Variants in PCDHGB1 observed in about 807,000 individuals in gnomAD.
The protein encoded by PCDHGB1 is protocadherin gamma subfamily B, 1.
PCDHGB1 carries 34 observed loss-of-function variants against 56.6 expected under a neutral mutation model. The observed-to-expected ratio is 0.60, with a 90% CI of 0.46 to 0.80. The LOEUF (loss-of-function observed/expected upper bound fraction) is 0.80. Among genes scored for constraint, PCDHGB1 ranks in the 30% least tolerant of loss-of-function variants. The pLI is 0.00. For missense variants in PCDHGB1, 1,278 were observed against 1,204.6 expected (o/e 1.06, Z -0.90); for synonymous variants, 561 against 505.9 (o/e 1.11, Z -1.46).
chr5:141,463,373 GTCTGAAAGTT>G (rs1463437299), intron 1 of PCDHGB1, among the ~76,000 whole-genome samples: 1 of 147,058 alleles, frequency 6.8e-6, no homozygotes, highest in Non-Finnish European at 1.5e-5. Context: ...CTGCCCCACA[GTCTGAAAGTT>G]GTCTCCAGGC....
In PCDHGB1 at chr5:141,427,233, G is replaced by A. The variant is rs147039909; in HGVS notation, c.2410-67574G>A. On this transcript the variant is annotated intron_variant, in intron 1 of 3. Transcript: ENST00000523390. Reference sequence around the variant, plus strand: ...ATTTCGTAGCAGTTATACCATGAGAGTAGAAGCTAAGGATGGTGGAGGCAT... The same window carrying A: ...ATTTCGTAGCAGTTATACCATGAGAATAGAAGCTAAGGATGGTGGAGGCAT... 180 of 456,756 alleles carry A rather than the reference G, an allele frequency of 3.9e-4. 1 individual carries two copies. The highest frequency in any genetic ancestry group is 3.5e-3 in the African/African-American group (176 of 50,196). The allele number at this position is 456,756 out of a possible 1,614,324, so 28.3% of individuals were successfully genotyped here.
chr5:141,389,777 C>G (rs771585855), intron 1 of PCDHGB1: 68 of 1,613,174 alleles, frequency 4.2e-5, no homozygotes, highest in Non-Finnish European at 5.7e-5. Context: ...GTGCCTTAGG[C>G]GACAGGGACG....
chr5:141,375,835 C>A (rs772317330), intron 1 of PCDHGB1: 22 of 1,613,984 alleles, frequency 1.4e-5, no homozygotes, highest in Admixed American at 1.7e-5. Flanking sequence ...CCGCAGAGCC[C>A]GGCTACCTGG....
chr5:141,388,424 G>T, intron 1 of PCDHGB1: 2 of 1,613,812 alleles, frequency 1.2e-6, no homozygotes, highest in Non-Finnish European at 1.7e-6. Flanking sequence ...ATTTCTCACT[G>T]ATAAATAAAG....
At chr5:141,465,522 G>A (rs1416012695) in intron 1 of PCDHGB1, among the ~76,000 whole-genome samples, 1 of 152,112 alleles carries the variant, frequency 6.6e-6, no homozygotes, top group Non-Finnish European at 1.5e-5. Context: ...AGGATTCTGG[G>A]GAAGTTTTCC....
rs1758499936 is a variant in PCDHGB1 at position 141,350,545 on chromosome 5, G to A, written c.285G>A (p.Arg95=). The A allele has an allele frequency of 6.2e-7, 1 of 1,613,914 alleles. No individual in the cohort carries two copies. Among genetic ancestry groups the A allele is most frequent in the Non-Finnish European group, 8.5e-7 (1 of 1,179,914 alleles). The change falls in exon 1 of 4, where the codon AGG becomes AGA. Residue 95 remains arginine, a synonymous_variant. Transcript: ENST00000523390. ...TAGATCGAGAGAAGATTTGCGGAAG[G>A]AAACTTGAGTGTGCACTAGAATTCG... The part of the protein sequence containing the change: ...GRIDREKICG[R]KLECALEFET...
At chr5:141,450,836 T>A (rs991599340) in intron 1 of PCDHGB1, among the ~76,000 whole-genome samples, 2 of 149,760 alleles carry the variant, frequency 1.3e-5, no homozygotes, top group African/African-American at 4.9e-5. Flanking sequence ...ATTATTTTTT[T>A]TTTTTTGAGA....
chr5:141,351,387 G>A lies in PCDHGB1; in HGVS notation c.1127G>A (p.Gly376Asp), dbSNP rs759839362. 1 of 1,611,984 alleles carries A rather than the reference G, an allele frequency of 6.2e-7. No individual in the cohort carries two copies. The highest frequency in any genetic ancestry group is 8.5e-7 in the Non-Finnish European group (1 of 1,178,874). ...KVRDKDSGQN[G>D]MVTCYTQEEV... ...CGAGACAAGGATTCTGGGCAAAATG[G>A]CATGGTGACATGCTATACTCAGGAA... Residue 376 changes from glycine to aspartate, a missense_variant, in exon 1 of 4, where the codon GGC (glycine) becomes GAC (aspartate). Coordinates refer to ENST00000523390, the MANE Select transcript of PCDHGB1 (RefSeq NM_018922.3).
In PCDHGB1 at chr5:141,351,516, T is replaced by C. The variant is rs749136987; in HGVS notation, c.1256T>C (p.Ile419Thr). Residue 419 changes from isoleucine to threonine, a missense_variant, in exon 1 of 4, where the codon ATA becomes ACA. Transcript: ENST00000523390. ...EQTADYNVTI[I>T]ATDKGKPALS... is the part of the protein sequence containing the mutation. ...ACAGCAGACTACAACGTCACAATCA[T>C]AGCCACCGACAAGGGCAAACCAGCC... 8.7e-6 allele frequency: 14 copies of C among 1,613,854 alleles called. No individual in the cohort carries two copies. In the Admixed American group the frequency reaches 2.3e-4, roughly 27 times the overall value.
intron 1 of PCDHGB1, chr5:141,403,328 A>G: frequency 1.8e-5 from 29 of 1,613,998 alleles, no homozygotes; most frequent in Non-Finnish European, 2.4e-5. Context: ...AGTAACTGAT[A>G]TTAACGACAG....
intron 1 of PCDHGB1, chr5:141,374,052 T>C (rs1770060748): frequency 1.4e-6 from 2 of 1,478,038 alleles, no homozygotes; most frequent in Non-Finnish European, 9.0e-7. Flanking sequence ...CTTCCTCTTC[T>C]TAATCCCAGA....
intron 1 of PCDHGB1, among the ~76,000 whole-genome samples, chr5:141,449,630 T>C (rs1006977026): frequency 6.7e-6 from 1 of 150,024 alleles, no homozygotes; most frequent in South Asian, 2.1e-4. Flanking sequence ...TTTAAAAAGA[T>C]GTATCTATAT....
rs1419222918 is a variant in PCDHGB1, at chr5:141,360,532, T to C, written c.2409+7863T>C. ...GGATATAAATGATAATACCCCGCTA[T>C]TCAAACAGACTAAGATTAATTTAAA... On this transcript the variant is annotated intron_variant, in intron 1 of 3. Coordinates refer to ENST00000523390, the MANE Select transcript of PCDHGB1 (RefSeq NM_018922.3). 3 of 1,613,892 alleles carry C rather than the reference T, an allele frequency of 1.9e-6. No individual in the cohort carries two copies. The Admixed American group carries it at 5.0e-5, about 27-fold the overall frequency.
chr5:141,419,754 T>C, intron 1 of PCDHGB1: 1 of 1,613,924 alleles, frequency 6.2e-7, no homozygotes. Flanking sequence ...GTGCGTGCTT[T>C]GGGTGACAAG....
At chr5:141,388,597 A>G (rs1277451358) in intron 1 of PCDHGB1, 1 of 1,613,752 alleles carries the variant, frequency 6.2e-7, no homozygotes, top group Non-Finnish European at 8.5e-7. Context: ...GCCAATGATA[A>G]TGCTCCAGTG....
chr5:141,376,908 C>T, intron 1 of PCDHGB1: 1 of 187,054 alleles, frequency 5.3e-6, no homozygotes, highest in Non-Finnish European at 1.1e-5. Flanking sequence ...AGGATGGTCT[C>T]GATCTCCTGA....
At chr5:141,405,062 T>C in intron 1 of PCDHGB1, 1 of 1,613,918 alleles carries the variant, frequency 6.2e-7, no homozygotes, top group Non-Finnish European at 8.5e-7. Flanking sequence ...CTCCTGTGTC[T>C]TCCTCACCTT....
At chr5:141,366,041 G>C in intron 1 of PCDHGB1, 1 of 1,614,232 alleles carries the variant, frequency 6.2e-7, no homozygotes, top group Non-Finnish European at 8.5e-7. Flanking sequence ...CCCCACAGAC[G>C]GTTCCACGGG....
chr5:141,418,840 C>A, intron 1 of PCDHGB1: 1 of 1,614,006 alleles, frequency 6.2e-7, no homozygotes, highest in Non-Finnish European at 8.5e-7. Context: ...GAGGATCTCT[C>A]TCAACACGGT....
Sources: allele counts gnomAD v4.1 joint callset (sites outside exome capture counted in the v4.1 genomes callset), GRCh38; gene constraint gnomAD v4.1.1; transcripts MANE v1.5; gene names NCBI Gene and HGNC (gene_info 2026-07-23, HGNC 2026-07-21).